WDR97: variants seen among roughly 807,000 people sequenced by gnomAD.
WDR97 encodes WD repeat domain 97.
WDR97 carries 111 observed loss-of-function variants against 65.4 expected under a neutral mutation model. The ratio of observed to expected loss-of-function variants is 1.70; its 90% confidence interval spans 1.45 to 1.99. The LOEUF (loss-of-function observed/expected upper bound fraction) is 1.99. Ranked by LOEUF, WDR97 falls within the 30% of genes most tolerant of loss-of-function variation. The pLI, the probability that WDR97 is intolerant of heterozygous loss-of-function variation, is 0.00. For missense variants in WDR97, 1,674 were observed against 865.0 expected (o/e 1.94, Z -11.73); for synonymous variants, 802 against 397.7 (o/e 2.02, Z -12.10).
intron 15 of WDR97, chr8:144,113,073 T>C: frequency 2.6e-6 from 1 of 389,204 alleles, no homozygotes; most frequent in Non-Finnish European, 4.7e-6. Context: ...TTCATTGCCC[T>C]TTCTCCAAGC....
intron 15 of WDR97, chr8:144,112,947 C>G: frequency 3.3e-6 from 1 of 301,682 alleles, no homozygotes; most frequent in Admixed American, 4.8e-5. Flanking sequence ...TCTTCCCACC[C>G]TCACGTACAC....
chr8:144,114,596 C>T lies in WDR97; in HGVS notation c.3835C>T (p.Leu1279Phe). The T allele has an allele frequency of 1.4e-6, 1 of 702,936 alleles. No individual in the cohort carries two copies. Among genetic ancestry groups the T allele is most frequent in the East Asian group, 2.7e-5 (1 of 37,296 alleles). The allele number at this position is 702,936 out of a possible 1,614,324, so 43.5% of individuals were successfully genotyped here. ...KKFVILALQL[L>F]LACSLESRDV... Reference sequence around the variant, plus strand: ...GTTCGTGATACTGGCGCTGCAGCTGCTCCTGGCCTGCTCCCTGGAGTCCCG... The same window carrying T: ...GTTCGTGATACTGGCGCTGCAGCTGTTCCTGGCCTGCTCCCTGGAGTCCCG... Residue 1279 changes from leucine to phenylalanine, a missense_variant, in exon 20 of 24, where the codon CTC becomes TTC. By Grantham distance (22) the Leu-to-Phe change is conservative. Coordinates refer to ENST00000323662, the MANE Select transcript of WDR97 (RefSeq NM_001316309.2).
In WDR97 at chr8:144,115,816, C is replaced by T. The variant is rs557238642; in HGVS notation, c.4553C>T (p.Ala1518Val). ...HPHPPEPYTV[A>V]PVPDMVVPPP... Reference sequence around the variant, plus strand: ...CACCCGCCAGAGCCCTACACGGTGGCGCCGGTGCCCGACATGGTGGTGCCA... The same window carrying T: ...CACCCGCCAGAGCCCTACACGGTGGTGCCGGTGCCCGACATGGTGGTGCCA... The change falls in exon 22 of 24, where the codon GCG becomes GTG. Residue 1518 changes from alanine to valine, a missense_variant. Physicochemically the swap from Ala to Val is moderately conservative, Grantham distance 64 (BLOSUM62 0). Coordinates refer to ENST00000323662, the MANE Select transcript of WDR97 (RefSeq NM_001316309.2). 4.4e-6 allele frequency: 3 copies of T among 687,422 alleles called. No homozygotes were observed. The highest frequency in any genetic ancestry group is 2.4e-4 in the Middle Eastern group (1 of 4,150). 42.6% of individuals were successfully genotyped at this position (687,422 alleles called of 1,614,324 possible). A position where few individuals can be genotyped will look rare whatever the true frequency, so the allele number is the denominator to read the frequency against.
At chr8:144,114,216 G>T (rs753158432) in intron 18 of WDR97, 54 bp downstream of exon 18, 1 of 695,514 alleles carries the variant, frequency 1.4e-6, no homozygotes. Context: ...AGGGACAGGG[G>T]AGAAGGTAGG....
At chr8:144,108,973 G>C in intron 3 of WDR97, 29 bp downstream of exon 3, 1 of 703,046 alleles carries the variant, frequency 1.4e-6, no homozygotes, top group East Asian at 2.7e-5. Flanking sequence ...GGGAGGGCCA[G>C]GCATGTAGGG....
Position 144,108,702 on chromosome 8 carries a change from C to G in WDR97, c.636C>G (p.Leu212=). The G allele has an allele frequency of 1.4e-6, 1 of 701,052 alleles. No homozygotes were observed. The highest frequency in any genetic ancestry group is 2.6e-6 in the Non-Finnish European group (1 of 384,582). 43.4% of individuals were successfully genotyped at this position (701,052 alleles called of 1,614,324 possible). ...CLPVPDLRLL[L]VAEMNSSLAL... ...CGGTTCCCGACCTCAGGCTGCTGCT[C>G]GTTGCGGAGATGAACAGCAGCCTGG... Residue 212 remains leucine (L), a synonymous_variant, in exon 3 of 24, where the codon CTC becomes CTG. Coordinates refer to ENST00000323662, the MANE Select transcript of WDR97 (RefSeq NM_001316309.2).
Position 144,111,127 on chromosome 8 carries a change from G to A in WDR97, c.2331G>A (p.Val777=), listed in dbSNP as rs535866695. ...VKKMCRKAPD[V]VDDPPLPLMS... ...AGATGTGCCGGAAGGCCCCAGACGT[G>A]GTGGACGACCCTCCGCTGCCACTGA... The change falls in exon 10 of 24, where the codon GTG becomes GTA. Residue 777 remains valine (V), a synonymous_variant. Coordinates refer to ENST00000323662, the MANE Select transcript of WDR97 (RefSeq NM_001316309.2). The A allele has an allele frequency of 1.4e-6, 1 of 702,732 alleles. No homozygotes were observed. Among genetic ancestry groups the A allele is most frequent in the African/African-American group, 1.7e-5 (1 of 57,336 alleles). 43.5% of individuals were successfully genotyped at this position (702,732 alleles called of 1,614,324 possible).
At position 144,116,414 on chromosome 8, in the gene WDR97, C is replaced by T; in HGVS notation, c.*121C>T. ...GCAGGATGCCGCCTGCTTTGGAGGG[C>T]CCCGGGGTGCGCACGGCGTGTGGGC... On this transcript the variant is annotated 3_prime_UTR_variant, in exon 24 of 24. Transcript: ENST00000323662. 1.8e-6 allele frequency: 1 copy of T among 555,970 alleles called. No individual in the cohort carries two copies. Among genetic ancestry groups the T allele is most frequent in the South Asian group, 2.4e-5 (1 of 41,590 alleles). 34.4% of individuals were successfully genotyped at this position (555,970 alleles called of 1,614,324 possible). A position where few individuals can be genotyped will look rare whatever the true frequency, so the allele number is the denominator to read the frequency against.
rs1200597474 is a variant in WDR97, at chr8:144,109,846, G to T, written c.1512G>T (p.Ala504=). The change falls in exon 5 of 24, where the codon GCG becomes GCT. Residue 504 remains alanine (A), a synonymous_variant. Coordinates refer to ENST00000323662, the MANE Select transcript of WDR97 (RefSeq NM_001316309.2). ...GGCACCTGGTCCGCGCCAACGCGGC[G>T]CGCTGCCCCATGAGCGTGCTGCACC... ...RAGHLVRANA[A]RCPMSVLHRV... is the part of the protein sequence containing the mutation. The T allele has an allele frequency of 2.9e-6, 2 of 695,424 alleles. No homozygotes were observed. Among genetic ancestry groups the T allele is most frequent in the Non-Finnish European group, 5.2e-6 (2 of 381,390 alleles). 43.1% of individuals were successfully genotyped at this position (695,424 alleles called of 1,614,324 possible). A position where few individuals can be genotyped will look rare whatever the true frequency, so the allele number is the denominator to read the frequency against.
rs1215958192 is a variant in WDR97 at position 144,111,919 on chromosome 8, G to A, written c.2670G>A (p.Trp890Ter). 2 of 702,346 alleles carry A rather than the reference G, an allele frequency of 2.8e-6. No homozygotes were observed. Among genetic ancestry groups the A allele is most frequent in the African/African-American group, 3.5e-5 (2 of 57,156 alleles). 43.5% of individuals were successfully genotyped at this position (702,346 alleles called of 1,614,324 possible). The change falls in exon 13 of 24, where the codon TGG (tryptophan) becomes TGA (stop). Residue 890 changes from tryptophan to a stop codon, truncating the protein, a stop_gained. Transcript: ENST00000323662. LOFTEE classifies it high-confidence loss of function. ...AGTCTGGAAGGGGGTCCCAGCAGTG[G>A]AGTGCCGGGACCCTCAGAGTGGAGA... The part of the protein sequence containing the change: ...GMQSGRGSQQ[W>*]SAGTLRVERE...
In WDR97 at chr8:144,114,082, T is replaced by C. The variant is rs1186332525; in HGVS notation, c.3514T>C (p.Tyr1172His). Residue 1172 changes from tyrosine (Y) to histidine (H), a missense_variant, in exon 18 of 24, where the codon TAC (tyrosine) becomes CAC (histidine). Tyr to His is a moderately conservative substitution (Grantham distance 83). Transcript: ENST00000323662. ...RHGSLLLDEH[Y>H]GHLPKFLHFF... ...TGGGAGTTTGCTCTTGGATGAGCATTACGGGCATCTGCCCAAGTTTCTGCA... is the reference window on the plus strand; with the variant it reads ...TGGGAGTTTGCTCTTGGATGAGCATCACGGGCATCTGCCCAAGTTTCTGCA... 1 of 702,872 alleles carries C rather than the reference T, an allele frequency of 1.4e-6. No homozygotes were observed. The highest frequency in any genetic ancestry group is 2.6e-6 in the Non-Finnish European group (1 of 385,002). 43.5% of individuals were successfully genotyped at this position (702,872 alleles called of 1,614,324 possible).
intron 3 of WDR97, 44 bp from the exon 4 acceptor site, chr8:144,109,005 G>T (rs1159812738): frequency 1.4e-6 from 1 of 702,994 alleles, no homozygotes; most frequent in East Asian, 2.7e-5. Flanking sequence ...TCACACACAA[G>T]GCGATGTTAA....
rs1486062487 is a variant in WDR97 at position 144,109,804 on chromosome 8, G to C, written c.1470G>C (p.Trp490Cys). 7.4e-6 allele frequency: 5 copies of C among 673,238 alleles called. No individual in the cohort carries two copies. The highest frequency in any genetic ancestry group is 1.1e-5 in the Non-Finnish European group (4 of 373,862). 41.7% of individuals were successfully genotyped at this position (673,238 alleles called of 1,614,324 possible). ...ACTGCCTGCCGCGCGAGGCGCTGTG[G>C]CTGCTGACCAGGGCTGGGCACCTGG... is the stretch of plus-strand genomic sequence containing the variant. ...VAYCLPREAL[W>C]LLTRAGHLVR... The change falls in exon 5 of 24, where the codon TGG becomes TGC. Residue 490 changes from tryptophan (W) to cysteine (C), a missense_variant. Coordinates refer to ENST00000323662, the MANE Select transcript of WDR97 (RefSeq NM_001316309.2).
At chr8:144,112,771 G>A (rs1236672006) in intron 15 of WDR97, 1 of 567,514 alleles carries the variant, frequency 1.8e-6, no homozygotes, top group East Asian at 2.8e-5. Flanking sequence ...TGCTCTGGGA[G>A]CTGACATCAG....
At chr8:144,113,079 C>A in intron 15 of WDR97, 1 of 401,714 alleles carries the variant, frequency 2.5e-6, no homozygotes, top group Non-Finnish European at 4.5e-6. Flanking sequence ...GCCCTTTCTC[C>A]AAGCTCCTTC....
In WDR97 at chr8:144,117,574, GGTC is replaced by G; in HGVS notation, c.*1282_*1284del. The G allele has an allele frequency of 6.6e-6, 1 of 151,240 alleles. No individual in the cohort carries two copies. The highest frequency in any genetic ancestry group is 2.1e-4 in the South Asian group (1 of 4,814). The allele number at this position is 151,240 out of a possible 1,614,324, so 9.4% of individuals were successfully genotyped here. ...ACATGACTTACAATCAGACAAGGTA[GGTC>G]AGAGGATTTCTTTATGGCTATCTGT... On this transcript the variant is annotated 3_prime_UTR_variant, in exon 24 of 24. Transcript: ENST00000323662.
rs1318413421 is a variant in WDR97 at position 144,111,998 on chromosome 8, G to T, written c.2749G>T (p.Ala917Ser). 24 of 702,596 alleles carry T rather than the reference G, an allele frequency of 3.4e-5. No homozygotes were observed. In the East Asian group the frequency reaches 6.4e-4, roughly 19 times the overall value. The allele number at this position is 702,596 out of a possible 1,614,324, so 43.5% of individuals were successfully genotyped here. ...VPQAAHCLAR[A>S]EVSTAAQTVP... ...CCAAGCTGCCCACTGTCTTGCCCGG[G>T]CTGAGGTCAGCACTGCAGCCCAAAC... Residue 917 changes from alanine (A) to serine (S), a missense_variant, in exon 13 of 24, where the codon GCT becomes TCT. Transcript: ENST00000323662.
In WDR97 at chr8:144,112,306, C is replaced by T. The variant is rs999599679; in HGVS notation, c.2978C>T (p.Thr993Met). The T allele has an allele frequency of 2.3e-5, 16 of 702,612 alleles. No homozygotes were observed. The highest frequency in any genetic ancestry group is 1.1e-4 in the East Asian group (4 of 37,294). The allele number at this position is 702,612 out of a possible 1,614,324, so 43.5% of individuals were successfully genotyped here. Residue 993 changes from threonine to methionine, a missense_variant, in exon 14 of 24, where the codon ACG becomes ATG. Physicochemically the swap from Thr to Met is moderately conservative, Grantham distance 81 (BLOSUM62 -1). Transcript: ENST00000323662. ...CAGTTGGAGCAGCTCCGAGGGAGGA[C>T]GACCATGGCCCTGGACCTGCCATCC... ...QLQLEQLRGR[T>M]TMALDLPSSH...
rs1338629420 is a variant in WDR97, at chr8:144,117,851, G to A, written c.*1558G>A. 1.3e-5 allele frequency: 2 copies of A among 152,212 alleles called. No homozygotes were observed. Among genetic ancestry groups the A allele is most frequent in the African/African-American group, 2.4e-5 (1 of 41,432 alleles). 9.4% of individuals were successfully genotyped at this position (152,212 alleles called of 1,614,324 possible). A position where few individuals can be genotyped will look rare whatever the true frequency, so the allele number is the denominator to read the frequency against. On this transcript the variant is annotated 3_prime_UTR_variant, in exon 24 of 24. Transcript: ENST00000323662. ...GCTGGTCTCGAACTCCTGACCTCAG[G>A]TGATCCGCCTGCCTCAGCCTCTCAA...
Sources: gnomAD v4.1 joint callset for allele counts on GRCh38, gnomAD v4.1.1 for gene constraint, MANE v1.5 for transcripts, NCBI Gene and HGNC (gene_info 2026-07-23, HGNC 2026-07-21) for gene names.